The following VPS8 variants were observed in gnomAD, a reference collection of about 807,000 sequenced individuals.
VPS8 encodes the protein vacuolar protein sorting-associated protein 8 homolog.
In VPS8, 129 loss-of-function variants were observed where a neutral mutation model predicts 216.4. The ratio of observed to expected loss-of-function variants is 0.60; its 90% CI spans 0.52 to 0.69. The LOEUF (loss-of-function observed/expected upper bound fraction) is 0.69. Ranked by LOEUF, VPS8 falls within the 30% of genes least tolerant of loss-of-function variation. VPS8 has a pLI of 0.00. For missense variants in VPS8, 1,531 were observed against 1,683.5 expected, an observed-to-expected ratio of 0.91 and a Z score of 1.59; for synonymous variants, 571 against 565.4, an observed-to-expected ratio of 1.01 and a Z score of -0.14.
At chr3:185,025,354 C>T (rs1757198764) in intron 46 of VPS8, among the ~76,000 whole-genome samples, 1 of 152,136 alleles carries the variant, frequency 6.6e-6, no homozygotes, top group Non-Finnish European at 1.5e-5. Flanking sequence ...GTGTTTCTTT[C>T]CCTTGCCCTT....
intron 31 of VPS8, 136 bp from the exon 32 acceptor site, chr3:184,928,315 G>A (rs1019167503): frequency 1.5e-6 from 1 of 654,148 alleles, no homozygotes; most frequent in East Asian, 3.5e-5. Context: ...CCTTCCATAT[G>A]TGACAGCAAG....
rs376024538 is a variant in VPS8, at chr3:185,018,807, A to G, written c.4003-5529A>G. Among the ~76,000 whole-genome samples, 576 of 152,288 alleles carry G rather than the reference A, an allele frequency of 3.8e-3. 3 individuals carry two copies. The highest frequency in any genetic ancestry group is 0.013 in the African/African-American group (552 of 41,564). Reference sequence around the variant, plus strand: ...CAGGGAACTGCCAAGCCTCTAAATCACCTTCTCTTCTAGCTTGCTGAATTC... The same window carrying G: ...CAGGGAACTGCCAAGCCTCTAAATCGCCTTCTCTTCTAGCTTGCTGAATTC... On this transcript the variant is annotated intron_variant, in intron 45 of 47. Transcript: ENST00000625842.
At chr3:185,047,166 G>A (rs767252770) in intron 46 of VPS8, among the ~76,000 whole-genome samples, 17 of 152,270 alleles carry the variant, frequency 1.1e-4, no homozygotes, top group Non-Finnish European at 2.2e-4. Context: ...ACATCAGGAC[G>A]AGGGCCACAT....
chr3:184,991,678 C>T (rs964834642), intron 42 of VPS8, among the ~76,000 whole-genome samples: 1 of 151,902 alleles, frequency 6.6e-6, no homozygotes. Flanking sequence ...GATATTGTAC[C>T]ATCTGTTGAT....
chr3:185,050,988 G>A (rs979523254), intron 47 of VPS8, among the ~76,000 whole-genome samples: 2 of 152,158 alleles, frequency 1.3e-5, no homozygotes, highest in Non-Finnish European at 2.9e-5. Flanking sequence ...AACTCACAAT[G>A]TTCTGGGAAG....
At chr3:184,898,423 G>T in intron 23 of VPS8, 142 bp from the exon 24 acceptor site, 2 of 688,070 alleles carry the variant, frequency 2.9e-6, no homozygotes, top group Non-Finnish European at 5.1e-6. Context: ...CATTGTGTTT[G>T]AGTACTTGAA....
intron 8 of VPS8, among the ~76,000 whole-genome samples, chr3:184,843,875 A>G (rs1438162960): frequency 6.6e-6 from 1 of 152,216 alleles, no homozygotes; most frequent in Non-Finnish European, 1.5e-5. Flanking sequence ...TGGCATGAAC[A>G]GGCTTGGGAA....
chr3:184,845,091 A>C (rs575890580), intron 8 of VPS8, among the ~76,000 whole-genome samples: 1 of 152,354 alleles, frequency 6.6e-6, no homozygotes, highest in South Asian at 2.1e-4. Flanking sequence ...TATGCTGTTA[A>C]TTTAATAACT....
intron 5 of VPS8, among the ~76,000 whole-genome samples, chr3:184,838,010 A>G (rs956668347): frequency 6.6e-5 from 10 of 152,244 alleles, no homozygotes; most frequent in African/African-American, 2.4e-4. Context: ...TCTTAGGGTT[A>G]TTTAAAGCTA....
intron 35 of VPS8, among the ~76,000 whole-genome samples, chr3:184,939,923 G>A (rs926986566): frequency 4.6e-5 from 7 of 152,104 alleles, no homozygotes; most frequent in African/African-American, 1.7e-4. Flanking sequence ...GGAACAGCTC[G>A]AGGATTTGTC....
chr3:184,885,085 G>A (rs1001879581), intron 21 of VPS8, among the ~76,000 whole-genome samples: 3 of 152,218 alleles, frequency 2.0e-5, no homozygotes, highest in African/African-American at 7.2e-5. Flanking sequence ...AGTAAAGGAA[G>A]CAGGATGGAT....
intron 43 of VPS8, among the ~76,000 whole-genome samples, chr3:184,995,099 C>T (rs1477152878): frequency 1.3e-5 from 2 of 152,184 alleles, no homozygotes; most frequent in Non-Finnish European, 2.9e-5. Context: ...TGGGTGGGGA[C>T]ACAGCCAAAC....
chr3:184,887,903 A>G (rs1578087100), intron 22 of VPS8, among the ~76,000 whole-genome samples: 1 of 152,334 alleles, frequency 6.6e-6, no homozygotes, highest in Admixed American at 6.5e-5. Context: ...CTTGGGGCTC[A>G]AATTTATTCC....
chr3:185,011,616 A>T (rs7614215), intron 45 of VPS8, among the ~76,000 whole-genome samples: 1 of 152,138 alleles, frequency 6.6e-6, no homozygotes, highest in Non-Finnish European at 1.5e-5. Flanking sequence ...CTGAGTTTTG[A>T]ATGTAAATGT....
At chr3:185,020,928 C>T (rs1015959525) in intron 45 of VPS8, among the ~76,000 whole-genome samples, 24 of 152,158 alleles carry the variant, frequency 1.6e-4, no homozygotes, top group Middle Eastern at 3.4e-3. Flanking sequence ...AAAAATTAGC[C>T]GGGCATGGTG....
intron 8 of VPS8, among the ~76,000 whole-genome samples, chr3:184,845,904 T>C (rs1252673441): frequency 6.6e-6 from 1 of 152,120 alleles, no homozygotes; most frequent in African/African-American, 2.4e-5. Context: ...ATGAATGTAA[T>C]CTATAAATTA....
chr3:185,026,305 A>G (rs916348701), intron 46 of VPS8, among the ~76,000 whole-genome samples: 16 of 152,276 alleles, frequency 1.1e-4, no homozygotes, highest in South Asian at 1.0e-3. Context: ...CACTGGTTAT[A>G]TGCAAATACC....
chr3:184,869,448 T>C, intron 19 of VPS8, 34 bp from the exon 20 acceptor site: 1 of 1,611,304 alleles, frequency 6.2e-7, no homozygotes, highest in Non-Finnish European at 8.5e-7. Flanking sequence ...GTGGACTAAC[T>C]TTTGTTTTTT....
chr3:184,816,929 A>G (rs1265608759), intron 1 of VPS8, among the ~76,000 whole-genome samples: 1 of 152,172 alleles, frequency 6.6e-6, no homozygotes, highest in Non-Finnish European at 1.5e-5. Context: ...TATATGAATC[A>G]TTTCTTTCTC....
Sources: allele counts gnomAD v4.1 joint callset (sites outside exome capture counted in the v4.1 genomes callset), GRCh38; gene constraint gnomAD v4.1.1; transcripts MANE v1.5; gene names NCBI Gene and HGNC (gene_info 2026-07-23, HGNC 2026-07-21).